The following MYO1H variants were observed in gnomAD, a reference collection of about 807,000 sequenced individuals.
MYO1H encodes myosin IH.
Under a neutral mutation model 149.3 loss-of-function variants are expected in MYO1H, and 118 were observed. The ratio of observed to expected loss-of-function variants is 0.79; its 90% CI spans 0.68 to 0.92. The LOEUF is 0.92. MYO1H is among the 40% of genes least tolerant of loss of function. MYO1H has a pLI of 0.00. For missense variants in MYO1H, 1,212 were observed against 1,280.7 expected (o/e 0.95, Z 0.82); for synonymous variants, 447 against 465.2 (o/e 0.96, Z 0.50).
Position 109,420,962 on chromosome 12 carries a change from T to A in MYO1H, c.1598-19T>A, listed in dbSNP as rs1235102191. The stretch of plus-strand genomic sequence containing the variant: ...GGCAGAGACATTGATTCAAAAAATT[T>A]TTCTTCAATGTTTTACAGGATTCTT... On this transcript the variant is annotated intron_variant, in intron 15 of 31. Transcript: ENST00000310903. 7 of 1,456,688 alleles carry A rather than the reference T, an allele frequency of 4.8e-6. No individual in the cohort carries two copies. The highest frequency in any genetic ancestry group is 6.7e-6 in the Non-Finnish European group (7 of 1,044,812). 90.2% of individuals were successfully genotyped at this position (1,456,688 alleles called of 1,614,324 possible).
At chr12:109,442,006 C>T (rs1872153048) in intron 26 of MYO1H, among the ~76,000 whole-genome samples, 1 of 152,146 alleles carries the variant, frequency 6.6e-6, no homozygotes, top group Non-Finnish European at 1.5e-5. Context: ...GAGATCATGC[C>T]ACTGCACTCC....
chr12:109,415,305 T>C (rs1174143849), intron 14 of MYO1H, among the ~76,000 whole-genome samples: 1 of 151,950 alleles, frequency 6.6e-6, no homozygotes, highest in Non-Finnish European at 1.5e-5. Context: ...TGAAACTCCA[T>C]CTCTACTAAA....
In MYO1H at chr12:109,436,243, G is replaced by C. The variant is rs375368365; in HGVS notation, c.2141-245G>C. On this transcript the variant is annotated intron_variant, in intron 21 of 31. Coordinates refer to ENST00000310903, the Ensembl canonical transcript of MYO1H. ...CTGGGGGGCTTGTAGCACTAGGTCT[G>C]TTCCTTGCCCTGGGAAAAGGAAAGG... is the stretch of plus-strand genomic sequence containing the variant. Among the ~76,000 whole-genome samples the C allele has an allele frequency of 7.2e-5, 11 of 152,208 alleles. 1 individual carries two copies. In the South Asian group the frequency reaches 1.0e-3, roughly 14 times the overall value.
intron 17 of MYO1H, among the ~76,000 whole-genome samples, chr12:109,425,326 C>G (rs992469096): frequency 1.3e-5 from 2 of 152,052 alleles, no homozygotes; most frequent in Non-Finnish European, 2.9e-5. Flanking sequence ...AGAGCAAGAC[C>G]CTGTCTCTTA....
chr12:109,334,396 G>A, the MYO1H span, among the ~76,000 whole-genome samples: 3 of 151,912 alleles, frequency 2.0e-5, no homozygotes, highest in African/African-American at 7.3e-5. Context: ...GGCTGGTCTT[G>A]AACTCCTGGC....
At chr12:109,372,768 C>CT (rs1199773078) in intron 1 of MYO1H, among the ~76,000 whole-genome samples, 4 of 151,876 alleles carry the variant, frequency 2.6e-5, no homozygotes, top group Admixed American at 2.6e-4. Flanking sequence ...TCTATATGAG[C>CT]TTTAGACTCA....
At chr12:109,447,649 G>A (rs942641751) in exon 32 of MYO1H, 1 of 182,946 alleles carries the variant, frequency 5.5e-6, no homozygotes, top group Admixed American at 5.4e-5. Flanking sequence ...ATGTCTCTGG[G>A]TTTCTTCTGG....
chr12:109,408,791 CT>C (rs748656404), intron 10 of MYO1H, among the ~76,000 whole-genome samples: 2 of 151,320 alleles, frequency 1.3e-5, no homozygotes, highest in Admixed American at 6.6e-5. Context: ...TACATTATCT[CT>C]TTTTTATTTT....
At chr12:109,436,435 CAA>C in intron 21 of MYO1H, 51 bp from the exon 22 acceptor site, 1 of 1,372,408 alleles carries the variant, frequency 7.3e-7, no homozygotes, top group Non-Finnish European at 1.0e-6. Context: ...ATCACAACCA[CAA>C]AGATGCGCAA....
In MYO1H at chr12:109,404,081, G is replaced by T. The variant is rs751817441; in HGVS notation, c.849+1G>T. ...TGATTTTACTGAAGCTGACCTCGAG[G>T]TACGTGCTTTTGCAGCAGAACTGAT... On this transcript the variant is annotated splice_donor_variant, in intron 7 of 31. Transcript: ENST00000310903. LOFTEE classifies it high-confidence loss of function. 2.2e-5 allele frequency: 36 copies of T among 1,611,174 alleles called. No homozygotes were observed. The highest frequency in any genetic ancestry group is 3.0e-5 in the Non-Finnish European group (35 of 1,178,040).
chr12:109,388,192 AAAG>A (rs201807278), intron 1 of MYO1H, among the ~76,000 whole-genome samples: 47 of 150,692 alleles, frequency 3.1e-4, no homozygotes, highest in African/African-American at 1.2e-3. Flanking sequence ...AATTTTAAAA[AAAG>A]AAAAAATTCA....
the MYO1H span, among the ~76,000 whole-genome samples, chr12:109,327,739 C>CAAAAAAAAAAAAAAAA: frequency 9.3e-5 from 8 of 85,610 alleles, no homozygotes; most frequent in African/African-American, 1.8e-4. Context: ...AAAACTGTCT[C>CAAAAAAAAAAAAAAAA]AAAAAAAAAA....
the MYO1H span, among the ~76,000 whole-genome samples, chr12:109,342,110 G>A: frequency 6.8e-6 from 1 of 146,970 alleles, no homozygotes; most frequent in Non-Finnish European, 1.5e-5. Flanking sequence ...CTGCCACACT[G>A]CTTTAAAATT....
At chr12:109,375,569 A>C (rs1446531770) in intron 1 of MYO1H, among the ~76,000 whole-genome samples, 1 of 152,020 alleles carries the variant, frequency 6.6e-6, no homozygotes, top group Admixed American at 6.6e-5. Context: ...AGCTTCCCCA[A>C]CTCTATAGCT....
chr12:109,379,850 A>G (rs1869165819), intron 1 of MYO1H, among the ~76,000 whole-genome samples: 1 of 146,720 alleles, frequency 6.8e-6, no homozygotes, highest in Non-Finnish European at 1.5e-5. Context: ...CTTTTGCCTC[A>G]GCCTCCCAAG....
the MYO1H span, among the ~76,000 whole-genome samples, chr12:109,317,044 A>AG: frequency 6.6e-6 from 1 of 152,220 alleles, no homozygotes; most frequent in African/African-American, 2.4e-5. Flanking sequence ...ACTAATCATC[A>AG]GGAAGGAAGT....
chr12:109,348,364 T>C (rs552713480), intron 1 of MYO1H, among the ~76,000 whole-genome samples: 1 of 152,340 alleles, frequency 6.6e-6, no homozygotes, highest in South Asian at 2.1e-4. Context: ...TAAATTTGAC[T>C]GAATTTTCAT....
intron 1 of MYO1H, among the ~76,000 whole-genome samples, chr12:109,354,619 A>T (rs112448904): frequency 2.1e-4 from 15 of 72,656 alleles, no homozygotes; most frequent in South Asian, 8.1e-4. Context: ...GACTCTGTCT[A>T]AAAAAAAAAA....
rs965926285 is a variant in MYO1H at position 109,428,333 on chromosome 12, G to A, written c.1949+747G>A. On this transcript the variant is annotated intron_variant, in intron 19 of 31. Coordinates refer to ENST00000310903, the Ensembl canonical transcript of MYO1H. ...GGGCTGTCAAGAGCAGCAGGTTAGC[G>A]GTGGGGACATGGGTTTTCAAACCAC... Among the ~76,000 whole-genome samples the A allele has an allele frequency of 3.7e-4, 56 of 152,226 alleles. 1 individual carries two copies. The highest frequency in any genetic ancestry group is 6.8e-3 in the Middle Eastern group (2 of 294).
Sources: allele counts gnomAD v4.1 joint callset (sites outside exome capture counted in the v4.1 genomes callset), GRCh38; gene constraint gnomAD v4.1.1; transcripts MANE v1.5; gene names NCBI Gene and HGNC (gene_info 2026-07-23, HGNC 2026-07-21).